COMMD1: variants seen among roughly 807,000 people sequenced by gnomAD.
COMMD1 encodes the protein COMM domain-containing protein 1.
A neutral mutation model predicts 17.2 loss-of-function variants in COMMD1; 10 were observed. The ratio of observed to expected loss-of-function variants is 0.58; its 90% CI spans 0.36 to 0.99. COMMD1 has a LOEUF of 0.99. Ranked by LOEUF, COMMD1 falls within the 50% of genes least tolerant of loss-of-function variation. COMMD1 has a pLI of 0.01. For missense variants in COMMD1, 270 were observed against 231.8 expected, an observed-to-expected ratio of 1.17 and a Z score of -1.07; for synonymous variants, 97 against 91.6, an observed-to-expected ratio of 1.06 and a Z score of -0.34.
intron 2 of COMMD1, among the ~76,000 whole-genome samples, chr2:62,003,230 C>CAAA (rs755266437): frequency 2.3e-5 from 3 of 129,772 alleles, no homozygotes; most frequent in African/African-American, 9.4e-5. Flanking sequence ...GGCGCTGTCT[C>CAAA]AAAAAAAAAA....
intron 1 of COMMD1, 91 bp downstream of exon 1, chr2:61,905,949 C>G: frequency 1.5e-6 from 2 of 1,329,898 alleles, no homozygotes; most frequent in East Asian, 4.6e-5. Context: ...CCTGTCCTCA[C>G]AAGCCGAAAG....
At chr2:61,973,544 T>G in intron 1 of COMMD1, among the ~76,000 whole-genome samples, 1 of 152,240 alleles carries the variant, frequency 6.6e-6, no homozygotes, top group Admixed American at 6.5e-5. Flanking sequence ...TCCTCCTCTG[T>G]GAATTGTCTG....
At chr2:61,894,541 A>G (rs1669510878) in intron 1 of COMMD1, among the ~76,000 whole-genome samples, 1 of 152,058 alleles carries the variant, frequency 6.6e-6, no homozygotes. Context: ...TGTTAATGTG[A>G]AATGTGACGT....
chr2:61,928,569 T>TTA (rs1157332683), intron 1 of COMMD1: 1 of 152,210 alleles, frequency 6.6e-6, no homozygotes, highest in African/African-American at 2.4e-5. Context: ...AATACAACCT[T>TTA]TATAGGACAT....
intron 1 of COMMD1, among the ~76,000 whole-genome samples, chr2:61,979,861 T>G (rs1671909915): frequency 7.4e-6 from 1 of 135,470 alleles, no homozygotes; most frequent in Admixed American, 7.5e-5. Flanking sequence ...ATGTGTCATC[T>G]AGCATTAGGT....
At chr2:61,975,476 C>T (rs1041567581) in intron 1 of COMMD1, among the ~76,000 whole-genome samples, 2 of 152,094 alleles carry the variant, frequency 1.3e-5, no homozygotes, top group Admixed American at 6.5e-5. Flanking sequence ...TTCCATTTTC[C>T]ACTCCCACCA....
chr2:62,021,854 A>G (rs1351675404), intron 2 of COMMD1, among the ~76,000 whole-genome samples: 1 of 152,230 alleles, frequency 6.6e-6, no homozygotes, highest in Non-Finnish European at 1.5e-5. Flanking sequence ...GAAGTTTCAC[A>G]GTGTTTTAAT....
At chr2:62,089,284 T>C (rs997798269) in intron 2 of COMMD1, among the ~76,000 whole-genome samples, 13 of 151,560 alleles carry the variant, frequency 8.6e-5, no homozygotes, top group East Asian at 3.9e-4. Context: ...TTCTTTCTTT[T>C]TTTTTTTTTT....
intron 1 of COMMD1, among the ~76,000 whole-genome samples, chr2:61,956,320 T>C (rs1216330124): frequency 6.6e-6 from 1 of 152,240 alleles, no homozygotes; most frequent in Non-Finnish European, 1.5e-5. Context: ...CAGATCTGTA[T>C]CAGACAACTT....
chr2:62,032,311 G>A (rs1669928459), intron 2 of COMMD1, among the ~76,000 whole-genome samples: 1 of 152,178 alleles, frequency 6.6e-6, no homozygotes, highest in Non-Finnish European at 1.5e-5. Flanking sequence ...TGAGGCAGGA[G>A]CATCACGTGA....
At chr2:62,069,711 AT>A (rs1014743313) in intron 2 of COMMD1, 6 of 152,074 alleles carry the variant, frequency 3.9e-5, no homozygotes, top group African/African-American at 1.4e-4. Context: ...TTAGTTTTTT[AT>A]TTTGCTTGAA....
chr2:61,950,009 C>T (rs886691417), intron 1 of COMMD1, among the ~76,000 whole-genome samples: 2 of 152,150 alleles, frequency 1.3e-5, no homozygotes, highest in African/African-American at 4.8e-5. Flanking sequence ...TATGGCTATC[C>T]CTGAGAAGGA....
chr2:62,016,195 T>G (rs1288731096), intron 2 of COMMD1, among the ~76,000 whole-genome samples: 3 of 149,234 alleles, frequency 2.0e-5, no homozygotes, highest in East Asian at 3.9e-4. Flanking sequence ...CTCTCTTTTT[T>G]CTTTTCTTTT....
chr2:61,897,907 C>G (rs1402770062), intron 1 of COMMD1, among the ~76,000 whole-genome samples: 1 of 152,020 alleles, frequency 6.6e-6, no homozygotes, highest in Non-Finnish European at 1.5e-5. Context: ...TTCATGCCTC[C>G]ATATATAGGG....
At chr2:62,031,354 A>G (rs185980176) in intron 2 of COMMD1, among the ~76,000 whole-genome samples, 2 of 152,294 alleles carry the variant, frequency 1.3e-5, no homozygotes, top group Admixed American at 1.3e-4. Flanking sequence ...AAATGCATTC[A>G]GTAGTTACTG....
upstream of COMMD1, among the ~76,000 whole-genome samples, chr2:61,905,176 G>T (rs983397336): frequency 2.6e-5 from 4 of 152,166 alleles, no homozygotes; most frequent in Admixed American, 6.5e-5. Flanking sequence ...GGAAAGACAA[G>T]TGTATATAAA....
intron 2 of COMMD1, among the ~76,000 whole-genome samples, chr2:62,103,291 A>C (rs1274615209): frequency 2.6e-5 from 4 of 152,158 alleles, no homozygotes; most frequent in Non-Finnish European, 5.9e-5. Context: ...TCGTATTTCT[A>C]TACCTCTTCC....
At chr2:61,939,902 A>C (rs1396291831) in intron 1 of COMMD1, among the ~76,000 whole-genome samples, 1 of 152,194 alleles carries the variant, frequency 6.6e-6, no homozygotes, top group Non-Finnish European at 1.5e-5. Context: ...TCCTAGGGAC[A>C]AAAAGAGGGT....
At chr2:62,099,870 CT>C (rs1240459698) in intron 2 of COMMD1, among the ~76,000 whole-genome samples, 1 of 152,076 alleles carries the variant, frequency 6.6e-6, no homozygotes. Flanking sequence ...CACGAGGCCC[CT>C]GGTCACCCAG....
Sources: gnomAD v4.1 joint callset for allele counts (sites outside exome capture counted in the v4.1 genomes callset) on GRCh38, gnomAD v4.1.1 for gene constraint, MANE v1.5 for transcripts, NCBI Gene and HGNC (gene_info 2026-07-23, HGNC 2026-07-21) for gene names.